NEURL1: variants seen among roughly 807,000 people sequenced by gnomAD.
The protein encoded by NEURL1 is E3 ubiquitin-protein ligase NEURL1.
A neutral mutation model predicts 41.2 loss-of-function variants in NEURL1; 26 were observed. The ratio of observed to expected loss-of-function variants is 0.63; its 90% CI spans 0.46 to 0.87. The LOEUF (loss-of-function observed/expected upper bound fraction) is 0.87, where lower values mean the gene tolerates loss of function less well. Among genes scored for constraint, NEURL1 ranks in the 40% least tolerant of loss-of-function variants. NEURL1 has a pLI of 0.00. For synonymous variants in NEURL1, 400 were observed against 402.3 expected (o/e 0.99, Z 0.07); for missense variants, 761 against 871.1 (o/e 0.87, Z 1.59).
intron 1 of NEURL1, among the ~76,000 whole-genome samples, chr10:103,537,876 A>G (rs1364229360): frequency 1.3e-5 from 2 of 152,038 alleles, no homozygotes; most frequent in Non-Finnish European, 2.9e-5. Flanking sequence ...TGTGCCTTAA[A>G]TAATCCCCTC....
rs535787539 is a variant in NEURL1, at chr10:103,558,574, G to A, written c.86-12298G>A. ...AGTGGGGCTGGTGGTGAGGAGTCGG[G>A]CTCCTCTGGGACCAGCCTGGCAGGA... On this transcript the variant is annotated intron_variant, in intron 1 of 5. Transcript: ENST00000369780. The surrounding 1 kb of genome is among the most constrained non-coding windows in gnomAD (Gnocchi z 4.2). 2.6e-5 allele frequency among the ~76,000 whole-genome samples: 4 copies of A among 151,336 alleles called. No homozygotes were observed. The highest frequency in any genetic ancestry group is 9.7e-5 in the African/African-American group (4 of 41,120).
At chr10:103,580,129 C>T (rs764961308) in intron 3 of NEURL1, among the ~76,000 whole-genome samples, 62 of 151,896 alleles carry the variant, frequency 4.1e-4, no homozygotes, top group Non-Finnish European at 6.6e-4. Context: ...AACACATGGC[C>T]GGGACCTCCC....
At chr10:103,517,303 A>C (rs1367897882) in intron 1 of NEURL1, 1 of 152,644 alleles carries the variant, frequency 6.6e-6, no homozygotes, top group Non-Finnish European at 1.5e-5. Flanking sequence ...TTGGGATTAC[A>C]GGTGTGAGTC....
intron 1 of NEURL1, among the ~76,000 whole-genome samples, chr10:103,551,853 C>T (rs750608295): frequency 1.6e-4 from 24 of 152,192 alleles, no homozygotes; most frequent in African/African-American, 3.1e-4. Context: ...GGGGGCCACT[C>T]GGGCCACCTC....
At chr10:103,539,364 G>A (rs1032607732) in intron 1 of NEURL1, among the ~76,000 whole-genome samples, 12 of 152,168 alleles carry the variant, frequency 7.9e-5, no homozygotes, top group Non-Finnish European at 1.5e-5. Flanking sequence ...AGTTTTAAGA[G>A]TTGTTTATAT....
intron 1 of NEURL1, among the ~76,000 whole-genome samples, chr10:103,520,135 A>G (rs1321745486): frequency 2.6e-5 from 4 of 152,228 alleles, no homozygotes; most frequent in African/African-American, 4.8e-5. Flanking sequence ...TAAAGGTAAC[A>G]TATACTTTTA....
chr10:103,521,504 G>C (rs1402533342), intron 1 of NEURL1, among the ~76,000 whole-genome samples: 1 of 152,182 alleles, frequency 6.6e-6, no homozygotes, highest in African/African-American at 2.4e-5. Flanking sequence ...AATCCCTGAC[G>C]AGTAGCAGAA....
At chr10:103,521,946 T>G (rs1011311528) in intron 1 of NEURL1, among the ~76,000 whole-genome samples, 9 of 136,964 alleles carry the variant, frequency 6.6e-5, no homozygotes, top group African/African-American at 2.5e-4. Flanking sequence ...AGTGAAGAGA[T>G]AGGGTTGGGG....
At chr10:103,499,894 C>T (rs2033783130) in intron 1 of NEURL1, among the ~76,000 whole-genome samples, 1 of 152,194 alleles carries the variant, frequency 6.6e-6, no homozygotes, top group African/African-American at 2.4e-5. Flanking sequence ...GTGATTCTCC[C>T]AAAGTACTAT....
chr10:103,538,535 C>T (rs928578363), intron 1 of NEURL1, among the ~76,000 whole-genome samples: 1 of 151,352 alleles, frequency 6.6e-6, no homozygotes, highest in Non-Finnish European at 1.5e-5. Flanking sequence ...AGTGCCACTG[C>T]ACTCCAGCCT....
At chr10:103,554,358 G>A (rs1255053547) in intron 1 of NEURL1, among the ~76,000 whole-genome samples, 1 of 152,246 alleles carries the variant, frequency 6.6e-6, no homozygotes, top group Non-Finnish European at 1.5e-5. Flanking sequence ...GTCAGTAGAT[G>A]GCTGAGTGCG....
chr10:103,498,415 A>G (rs1179956644), intron 1 of NEURL1, among the ~76,000 whole-genome samples: 3 of 152,052 alleles, frequency 2.0e-5, no homozygotes, highest in African/African-American at 4.8e-5. Flanking sequence ...TTTAGTAGAG[A>G]TGGAGTTTCA....
At chr10:103,504,798 T>C (rs1293619632) in intron 1 of NEURL1, among the ~76,000 whole-genome samples, 1 of 152,172 alleles carries the variant, frequency 6.6e-6, no homozygotes, top group Non-Finnish European at 1.5e-5. Flanking sequence ...CAATTATCTC[T>C]GGGTAAAGGC....
At chr10:103,505,769 C>G (rs1379892350) in intron 1 of NEURL1, among the ~76,000 whole-genome samples, 2 of 152,226 alleles carry the variant, frequency 1.3e-5, no homozygotes, top group Non-Finnish European at 2.9e-5. Flanking sequence ...AGAAGGAGCT[C>G]AGGACTGGCT....
chr10:103,582,097 G>A (rs1183172912), intron 3 of NEURL1, among the ~76,000 whole-genome samples: 1 of 152,060 alleles, frequency 6.6e-6, no homozygotes. Context: ...TTGTCCTGAG[G>A]GGGTGGTGTG....
At chr10:103,551,448 G>A (rs547029233) in intron 1 of NEURL1, among the ~76,000 whole-genome samples, 5 of 152,094 alleles carry the variant, frequency 3.3e-5, no homozygotes, top group South Asian at 2.1e-4. Context: ...GATTACAGGC[G>A]TGTGCCACCA....
At chr10:103,524,949 TG>T (rs2034430904) in intron 1 of NEURL1, among the ~76,000 whole-genome samples, 1 of 152,206 alleles carries the variant, frequency 6.6e-6, no homozygotes, top group African/African-American at 2.4e-5. Context: ...TTTTTAGGAT[TG>T]TTTTTTCTAT....
intron 1 of NEURL1, among the ~76,000 whole-genome samples, chr10:103,520,501 A>C (rs1047117811): frequency 6.6e-6 from 1 of 152,170 alleles, no homozygotes; most frequent in Non-Finnish European, 1.5e-5. Flanking sequence ...AACAAATCAC[A>C]ATGGTGGAAT....
intron 1 of NEURL1, among the ~76,000 whole-genome samples, chr10:103,563,002 T>C (rs529837666): frequency 6.6e-6 from 1 of 152,260 alleles, no homozygotes; most frequent in East Asian, 1.9e-4. Context: ...CATCCCCAGC[T>C]TTCCAACCAT....
Sources: allele counts gnomAD v4.1 joint callset (sites outside exome capture counted in the v4.1 genomes callset), GRCh38; gene constraint gnomAD v4.1.1; non-coding constraint Gnocchi (gnomAD v3.1); transcripts MANE v1.5; gene names NCBI Gene and HGNC (gene_info 2026-07-23, HGNC 2026-07-21).